ANO10: variants seen among roughly 807,000 people sequenced by gnomAD.
ANO10 encodes anoctamin 10.
In ANO10, 77 loss-of-function variants were observed where a neutral mutation model predicts 74.7. The observed-to-expected ratio is 1.03, with a 90% CI of 0.86 to 1.25. ANO10 has a LOEUF of 1.25. Among genes scored for constraint, ANO10 ranks in the 50% most tolerant of loss-of-function variants. The pLI is 0.00. For synonymous variants in ANO10, 279 were observed against 284.9 expected (o/e 0.98, Z 0.21); for missense variants, 721 against 778.1 (o/e 0.93, Z 0.87).
chr3:43,561,761 C>T (rs2080047623), intron 8 of ANO10, among the ~76,000 whole-genome samples: 1 of 152,122 alleles, frequency 6.6e-6, no homozygotes, highest in South Asian at 2.1e-4. Context: ...CTACCCTGAT[C>T]TGACTGCGAT....
At chr3:43,513,929 ATAT>A (rs2077609086) in intron 11 of ANO10, among the ~76,000 whole-genome samples, 1 of 150,578 alleles carries the variant, frequency 6.6e-6, no homozygotes, top group Non-Finnish European at 1.5e-5. Context: ...TTAATATTAA[ATAT>A]TATTTTGTTT....
intron 12 of ANO10, among the ~76,000 whole-genome samples, chr3:43,369,015 A>G (rs937805598): frequency 6.6e-6 from 1 of 152,070 alleles, no homozygotes; most frequent in Non-Finnish European, 1.5e-5. Context: ...TCAGGCACAG[A>G]AGCATCCAGC....
At chr3:43,461,749 T>C (rs912976360) in intron 11 of ANO10, among the ~76,000 whole-genome samples, 1 of 152,206 alleles carries the variant, frequency 6.6e-6, no homozygotes, top group Non-Finnish European at 1.5e-5. Flanking sequence ...CTTTTATAAA[T>C]TGCTCAATCT....
intron 11 of ANO10, among the ~76,000 whole-genome samples, chr3:43,462,212 T>C (rs367884265): frequency 1.3e-5 from 2 of 152,152 alleles, no homozygotes; most frequent in African/African-American, 2.4e-5. Context: ...TTGGGTGCTG[T>C]TGAAAGCATT....
intron 12 of ANO10, among the ~76,000 whole-genome samples, chr3:43,386,443 T>C (rs930191292): frequency 2.0e-5 from 3 of 152,038 alleles, no homozygotes; most frequent in Admixed American, 6.6e-5. Flanking sequence ...TGAGGGAGTC[T>C]TGGCTTTGCA....
chr3:43,485,326 A>T, intron 11 of ANO10: 1 of 528,296 alleles, frequency 1.9e-6, no homozygotes, highest in East Asian at 3.8e-5. Flanking sequence ...CGGATCCGAC[A>T]GGGTGTCCGC....
chr3:43,418,917 G>GT (rs1376417983), intron 12 of ANO10, among the ~76,000 whole-genome samples: 2 of 152,234 alleles, frequency 1.3e-5, no homozygotes, highest in African/African-American at 4.8e-5. Flanking sequence ...TTTCATTTAC[G>GT]TATGTCTAAG....
At chr3:43,476,516 G>T (rs573061291) in intron 11 of ANO10, among the ~76,000 whole-genome samples, 1 of 152,278 alleles carries the variant, frequency 6.6e-6, no homozygotes, top group African/African-American at 2.4e-5. Context: ...AAGTTGGTCT[G>T]TCCTTCATGT....
At chr3:43,610,391 T>C (rs1193608214) in intron 1 of ANO10, among the ~76,000 whole-genome samples, 3 of 152,312 alleles carry the variant, frequency 2.0e-5, no homozygotes, top group East Asian at 1.9e-4. Flanking sequence ...TCTAAAATAA[T>C]GATTAAGAGT....
chr3:43,532,486 T>A (rs918243107), intron 11 of ANO10, among the ~76,000 whole-genome samples: 6 of 152,244 alleles, frequency 3.9e-5, no homozygotes, highest in African/African-American at 1.4e-4. Flanking sequence ...TCATCCAGTA[T>A]AATACTGATT....
intron 11 of ANO10, among the ~76,000 whole-genome samples, chr3:43,510,431 CAAA>C (rs58246025): frequency 4.6e-5 from 6 of 131,184 alleles, no homozygotes; most frequent in East Asian, 2.2e-4. Flanking sequence ...AACTCTGTCT[CAAA>C]AAAAAAAAAA....
intron 12 of ANO10, among the ~76,000 whole-genome samples, chr3:43,380,697 A>C (rs2091935966): frequency 6.6e-6 from 1 of 152,192 alleles, no homozygotes; most frequent in Admixed American, 6.5e-5. Context: ...AGGAGCTCTA[A>C]ATCTTGAAAC....
intron 1 of ANO10, among the ~76,000 whole-genome samples, chr3:43,610,457 T>C (rs564932882): frequency 1.3e-5 from 2 of 152,332 alleles, no homozygotes; most frequent in African/African-American, 4.8e-5. Context: ...TTGTCAGGTA[T>C]TATGTACTAT....
intron 1 of ANO10, among the ~76,000 whole-genome samples, chr3:43,685,424 T>C (rs990533944): frequency 5.9e-5 from 9 of 152,212 alleles, no homozygotes; most frequent in Non-Finnish European, 1.0e-4. Context: ...ATTATGGAGG[T>C]ACTAGACTTT....
intron 9 of ANO10, among the ~76,000 whole-genome samples, chr3:43,560,387 CT>C (rs760570903): frequency 6.6e-6 from 1 of 152,096 alleles, no homozygotes; most frequent in Non-Finnish European, 1.5e-5. Flanking sequence ...ATACAAATTC[CT>C]AAGCACATGA....
chr3:43,396,123 G>A (rs2092376562), intron 12 of ANO10, among the ~76,000 whole-genome samples: 1 of 148,706 alleles, frequency 6.7e-6, no homozygotes, highest in Non-Finnish European at 1.5e-5. Flanking sequence ...TCGGCATAAT[G>A]TTGAAAAGAA....
At chr3:43,594,911 T>TA (rs1181236710) in intron 4 of ANO10, among the ~76,000 whole-genome samples, 1 of 151,756 alleles carries the variant, frequency 6.6e-6, no homozygotes, top group Non-Finnish European at 1.5e-5. Context: ...ATAGACACAA[T>TA]AAAAAATGAT....
chr3:43,525,451 T>C (rs1438425994), intron 11 of ANO10, among the ~76,000 whole-genome samples: 1 of 152,210 alleles, frequency 6.6e-6, no homozygotes. Flanking sequence ...GTGTTCATGC[T>C]AGATAAAGCT....
At chr3:43,411,204 A>T (rs770949546) in intron 12 of ANO10, among the ~76,000 whole-genome samples, 1 of 152,252 alleles carries the variant, frequency 6.6e-6, no homozygotes, top group African/African-American at 2.4e-5. Flanking sequence ...GCACAAATAC[A>T]GTATGATTAA....
Sources: gnomAD v4.1 joint callset for allele counts (sites outside exome capture counted in the v4.1 genomes callset) on GRCh38, gnomAD v4.1.1 for gene constraint, MANE v1.5 for transcripts, NCBI Gene and HGNC (gene_info 2026-07-23, HGNC 2026-07-21) for gene names.